Variants in POLA2 observed in about 807,000 individuals in gnomAD.
POLA2 encodes the protein DNA polymerase alpha subunit B.
A neutral mutation model predicts 82.8 loss-of-function variants in POLA2; 47 were observed. That is an observed-to-expected ratio of 0.57 (90% CI 0.45 to 0.72). POLA2 has a LOEUF of 0.72. Ranked by LOEUF, POLA2 falls within the 30% of genes least tolerant of loss-of-function variation. The pLI, the probability that POLA2 is intolerant of heterozygous loss-of-function variation, is 0.00. For missense variants in POLA2, 634 were observed against 728.1 expected (o/e 0.87, Z 1.49); for synonymous variants, 287 against 286.8 (o/e 1.00, Z -0.01).
At chr11:65,264,850 A>G (rs2137485234) in intron 1 of POLA2, among the ~76,000 whole-genome samples, 1 of 152,300 alleles carries the variant, frequency 6.6e-6, no homozygotes, top group East Asian at 1.9e-4. Context: ...TCCTACTAGT[A>G]TAGAAATGTG....
At chr11:65,275,303 G>C (rs190959349) in intron 4 of POLA2, among the ~76,000 whole-genome samples, 1 of 150,928 alleles carries the variant, frequency 6.6e-6, no homozygotes, top group Non-Finnish European at 1.5e-5. Flanking sequence ...GGGAGCAATA[G>C]GTCTCTGGAC....
At position 65,297,245 on chromosome 11, in the gene POLA2, T is replaced by A; in HGVS notation, c.1773T>A (p.Ile591=). The A allele has an allele frequency of 6.2e-7, 1 of 1,611,770 alleles. No homozygotes were observed. Among genetic ancestry groups the A allele is most frequent in the Non-Finnish European group, 8.5e-7 (1 of 1,178,754 alleles). The change falls in exon 18 of 18, where the codon ATT becomes ATA. Residue 591 remains isoleucine, a synonymous_variant. Coordinates refer to ENST00000265465, the MANE Select transcript of POLA2 (RefSeq NM_002689.4). The stretch of plus-strand genomic sequence containing the variant: ...GGGCAGAGAGGCAGAGCCCATGCAT[T>A]GCTGTGCAGGTCGTCAGGATCTGAG... ...ADGAERQSPC[I]AVQVVRI
chr11:65,271,542 G>A (rs2137510746), intron 4 of POLA2, among the ~76,000 whole-genome samples: 1 of 152,296 alleles, frequency 6.6e-6, no homozygotes, highest in South Asian at 2.1e-4. Flanking sequence ...GAAATACTTA[G>A]GAGACTAAAT....
chr11:65,305,472 C>G (rs1422689484), exon 9 of POLA2: 2 of 442,634 alleles, frequency 4.5e-6, no homozygotes, highest in South Asian at 3.2e-5. Flanking sequence ...GGCCTGGTAC[C>G]TGGCACAGTC....
intron 8 of POLA2, 139 bp from the exon 9 acceptor site, chr11:65,281,531 C>T (rs1239820604): frequency 4.5e-6 from 3 of 662,980 alleles, no homozygotes; most frequent in South Asian, 1.7e-5. Flanking sequence ...GCCCTTAATT[C>T]GTTTTCTACA....
Position 65,295,826 on chromosome 11 carries a change from G to A in POLA2, c.1521-38G>A, listed in dbSNP as rs530829493. On this transcript the variant is annotated intron_variant, in intron 16 of 17. Coordinates refer to ENST00000265465, the MANE Select transcript of POLA2 (RefSeq NM_002689.4). Reference sequence around the variant, plus strand: ...ACTCTGTCTGAGAAGGGGGCCCCCCGGTCAGCTAGTGCTGACAATTTCTCT... The same window carrying A: ...ACTCTGTCTGAGAAGGGGGCCCCCCAGTCAGCTAGTGCTGACAATTTCTCT... 4.2e-4 allele frequency: 676 copies of A among 1,593,110 alleles called. 8 individuals carry two copies. The South Asian group carries it at 6.6e-3, about 15-fold the overall frequency.
At chr11:65,269,495 A>C (rs1052329325) in intron 4 of POLA2, among the ~76,000 whole-genome samples, 11 of 152,000 alleles carry the variant, frequency 7.2e-5, no homozygotes, top group Admixed American at 5.2e-4. Flanking sequence ...TCAAAAAAAA[A>C]AAAAAAAACA....
chr11:65,305,962 C>T (rs1283671119), downstream of POLA2, among the ~76,000 whole-genome samples: 2 of 151,986 alleles, frequency 1.3e-5, no homozygotes, highest in Non-Finnish European at 2.9e-5. Context: ...GAGTGGTCTC[C>T]AAAATATAAC....
chr11:65,299,854 G>T (rs191362486), downstream of POLA2, among the ~76,000 whole-genome samples: 26 of 152,258 alleles, frequency 1.7e-4, no homozygotes, highest in Admixed American at 6.5e-4. Flanking sequence ...ACCACGCCCA[G>T]CTAATTTTTG....
intron 10 of POLA2, among the ~76,000 whole-genome samples, chr11:65,287,109 A>G (rs1949705266): frequency 6.6e-6 from 1 of 152,190 alleles, no homozygotes; most frequent in Admixed American, 6.5e-5. Flanking sequence ...AGAGGAAGAC[A>G]GAGCACCCAA....
chr11:65,295,732 C>A, intron 16 of POLA2, 132 bp from the exon 17 acceptor site: 2 of 1,312,810 alleles, frequency 1.5e-6, no homozygotes, highest in Non-Finnish European at 2.2e-6. Context: ...AGCCTGCATT[C>A]TGCCCCACAC....
chr11:65,273,436 A>G (rs1477050447), intron 4 of POLA2, among the ~76,000 whole-genome samples: 2 of 152,224 alleles, frequency 1.3e-5, no homozygotes, highest in African/African-American at 4.8e-5. Context: ...GTTGGTGAAC[A>G]CTATTGGATT....
At chr11:65,291,412 A>T (rs952992126) in intron 13 of POLA2, among the ~76,000 whole-genome samples, 1 of 152,188 alleles carries the variant, frequency 6.6e-6, no homozygotes, top group African/African-American at 2.4e-5. Context: ...TCACCCCAGA[A>T]TCAGAGACTT....
intron 1 of POLA2, among the ~76,000 whole-genome samples, chr11:65,265,661 A>G (rs1267227347): frequency 6.6e-6 from 1 of 152,028 alleles, no homozygotes; most frequent in Non-Finnish European, 1.5e-5. Context: ...TGTATTTTTT[A>G]TAGAAACGGT....
chr11:65,274,531 T>C (rs1431988482), intron 4 of POLA2, among the ~76,000 whole-genome samples: 1 of 151,560 alleles, frequency 6.6e-6, no homozygotes, highest in Non-Finnish European at 1.5e-5. Flanking sequence ...GATACAAAAA[T>C]TAGCTGGATG....
At chr11:65,288,582 G>A (rs1415367066) in intron 11 of POLA2, among the ~76,000 whole-genome samples, 1 of 149,492 alleles carries the variant, frequency 6.7e-6, no homozygotes, top group Non-Finnish European at 1.5e-5. Flanking sequence ...TGCGATCTCG[G>A]CTCACTATAG....
At chr11:65,297,016 T>A (rs1949817713) in intron 17 of POLA2, 104 bp from the exon 18 acceptor site, 1 of 1,228,844 alleles carries the variant, frequency 8.1e-7, no homozygotes, top group African/African-American at 1.5e-5. Context: ...TTCCATTTTC[T>A]AAAACCCTCT....
chr11:65,268,762 C>T, intron 4 of POLA2, 33 bp downstream of exon 4: 1 of 1,370,810 alleles, frequency 7.3e-7, no homozygotes, highest in South Asian at 1.3e-5. Context: ...TTGCATTTTA[C>T]AAGTAACATT....
intron 13 of POLA2, 99 bp from the exon 14 acceptor site, chr11:65,294,054 C>T (rs1207474002): frequency 1.0e-6 from 1 of 976,950 alleles, no homozygotes; most frequent in Non-Finnish European, 1.7e-6. Context: ...TCGGGGTGGG[C>T]TCTGCCTCCA....
Sources: gnomAD v4.1 joint callset for allele counts (sites outside exome capture counted in the v4.1 genomes callset) on GRCh38, gnomAD v4.1.1 for gene constraint, MANE v1.5 for transcripts, NCBI Gene and HGNC (gene_info 2026-07-23, HGNC 2026-07-21) for gene names.